The following FER variants were observed in gnomAD, a reference collection of about 807,000 sequenced individuals.
The protein encoded by FER is FER tyrosine kinase.
Under a neutral mutation model 111.0 loss-of-function variants are expected in FER, and 63 were observed. The observed-to-expected ratio is 0.57, with a 90% CI of 0.46 to 0.70. The LOEUF (loss-of-function observed/expected upper bound fraction) is 0.70. Among genes scored for constraint, FER ranks in the 30% least tolerant of loss-of-function variants. The pLI, the probability that FER is intolerant of heterozygous loss-of-function variation, is 0.00. For missense variants in FER, 914 were observed against 954.0 expected (o/e 0.96, Z 0.55); for synonymous variants, 327 against 313.9 (o/e 1.04, Z -0.44).
intron 13 of FER, among the ~76,000 whole-genome samples, chr5:108,988,732 C>G (rs942699957): frequency 6.6e-6 from 1 of 152,044 alleles, no homozygotes; most frequent in Non-Finnish European, 1.5e-5. Context: ...TTTCAAAGAA[C>G]CAGCTTTTTG....
chr5:108,912,134 T>G (rs1420388524), intron 10 of FER, among the ~76,000 whole-genome samples: 1 of 152,170 alleles, frequency 6.6e-6, no homozygotes, highest in Non-Finnish European at 1.5e-5. Context: ...CCTCAGCCAC[T>G]TGGAACTGTG....
intron 5 of FER, among the ~76,000 whole-genome samples, chr5:108,843,278 A>G (rs1480583834): frequency 1.3e-5 from 2 of 152,172 alleles, no homozygotes; most frequent in Non-Finnish European, 2.9e-5. Context: ...GTATTCCATC[A>G]TCTATCTATC....
chr5:109,171,939 A>G (rs191277907), intron 17 of FER, among the ~76,000 whole-genome samples: 76 of 152,312 alleles, frequency 5.0e-4, no homozygotes, highest in African/African-American at 1.5e-3. Flanking sequence ...GTGAGATACC[A>G]TCTCACACCA....
intron 2 of FER, chr5:108,784,420 G>C (rs1373363415): frequency 6.5e-6 from 1 of 153,982 alleles, no homozygotes; most frequent in Non-Finnish European, 1.5e-5. Context: ...CCAAGGACGT[G>C]CTGAATGTGG....
chr5:108,845,010 A>G (rs1242323397), intron 5 of FER, among the ~76,000 whole-genome samples: 17 of 29,422 alleles, frequency 5.8e-4, no homozygotes, highest in South Asian at 2.2e-3. Flanking sequence ...ATATATATAT[A>G]TATATATATA....
At chr5:108,998,336 T>C (rs1255870280) in intron 13 of FER, among the ~76,000 whole-genome samples, 1 of 152,096 alleles carries the variant, frequency 6.6e-6, no homozygotes, top group Non-Finnish European at 1.5e-5. Flanking sequence ...AAGCACAGTA[T>C]CTGGGCCAGA....
At chr5:108,946,053 A>G in intron 10 of FER, 77 bp from the exon 11 acceptor site, 1 of 918,292 alleles carries the variant, frequency 1.1e-6, no homozygotes, top group Non-Finnish European at 1.7e-6. Flanking sequence ...AGCTGTGGAT[A>G]AGTACCTAAA....
intron 1 of FER, chr5:108,748,654 G>A (rs1750047324): frequency 6.6e-6 from 1 of 152,352 alleles, no homozygotes; most frequent in South Asian, 2.1e-4. Context: ...CCAGAAAGCG[G>A]CGACCGCAGC....
chr5:108,937,918 G>C (rs962340822), intron 10 of FER, among the ~76,000 whole-genome samples: 1 of 151,494 alleles, frequency 6.6e-6, no homozygotes, highest in Non-Finnish European at 1.5e-5. Flanking sequence ...GCAAGCAGTA[G>C]CTGGAACAGA....
At chr5:108,750,031 T>G (rs1044998206) in intron 1 of FER, among the ~76,000 whole-genome samples, 8 of 152,240 alleles carry the variant, frequency 5.3e-5, no homozygotes, top group African/African-American at 1.9e-4. Flanking sequence ...CTTTTTAACC[T>G]TTTTAATTCA....
chr5:108,823,063 G>A (rs914631853), intron 3 of FER, among the ~76,000 whole-genome samples: 5 of 152,192 alleles, frequency 3.3e-5, no homozygotes, highest in African/African-American at 7.2e-5. Context: ...GTAGAGACAG[G>A]ATTTCACTAT....
At chr5:108,923,927 C>T (rs1032700989) in intron 10 of FER, among the ~76,000 whole-genome samples, 1 of 152,096 alleles carries the variant, frequency 6.6e-6, no homozygotes, top group Non-Finnish European at 1.5e-5. Flanking sequence ...TGTAGCACAG[C>T]TATCTGCAAG....
intron 1 of FER, among the ~76,000 whole-genome samples, chr5:108,753,727 C>G (rs919085896): frequency 2.6e-5 from 4 of 152,292 alleles, no homozygotes; most frequent in Non-Finnish European, 4.4e-5. Flanking sequence ...CAGTATTTTA[C>G]AGATATCCCT....
At chr5:108,751,390 A>G (rs1750492022) in intron 1 of FER, among the ~76,000 whole-genome samples, 3 of 152,308 alleles carry the variant, frequency 2.0e-5, no homozygotes, top group African/African-American at 2.4e-5. Context: ...TGAGTGAGGT[A>G]GGAAGTCATC....
chr5:108,759,484 C>T (rs910424419), intron 1 of FER, among the ~76,000 whole-genome samples: 1 of 152,244 alleles, frequency 6.6e-6, no homozygotes, highest in African/African-American at 2.4e-5. Flanking sequence ...GTTATAGCAA[C>T]ATGCCACTTC....
At chr5:109,090,513 G>C (rs144247140) in intron 16 of FER, among the ~76,000 whole-genome samples, 1 of 151,934 alleles carries the variant, frequency 6.6e-6, no homozygotes, top group African/African-American at 2.4e-5. Flanking sequence ...AAAGAAACAG[G>C]GATTTATTAA....
At chr5:108,775,874 T>G (rs1304596116) in intron 2 of FER, among the ~76,000 whole-genome samples, 1 of 152,210 alleles carries the variant, frequency 6.6e-6, no homozygotes, top group Non-Finnish European at 1.5e-5. Flanking sequence ...AAGACCTCGC[T>G]TTGTATTCAT....
chr5:109,108,632 A>T (rs1441399653), intron 17 of FER, among the ~76,000 whole-genome samples: 1 of 152,134 alleles, frequency 6.6e-6, no homozygotes, highest in African/African-American at 2.4e-5. Context: ...TGGGTTCATG[A>T]TTATCTCCAA....
chr5:109,127,959 A>G (rs1216509638), intron 17 of FER, among the ~76,000 whole-genome samples: 3 of 152,100 alleles, frequency 2.0e-5, no homozygotes, highest in East Asian at 1.9e-4. Context: ...TAGACCAACT[A>G]TTTTATCTTG....
Sources: gnomAD v4.1 joint callset for allele counts (sites outside exome capture counted in the v4.1 genomes callset) on GRCh38, gnomAD v4.1.1 for gene constraint, MANE v1.5 for transcripts, NCBI Gene and HGNC (gene_info 2026-07-23, HGNC 2026-07-21) for gene names.